Variants in EPSTI1 observed in about 807,000 individuals in gnomAD.
EPSTI1 encodes epithelial-stromal interaction protein 1.
EPSTI1 carries 66 observed loss-of-function variants against 49.9 expected under a neutral mutation model. The observed-to-expected ratio is 1.32, with a 90% CI of 1.08 to 1.62. EPSTI1 has a LOEUF of 1.62. Among genes scored for constraint, EPSTI1 ranks in the 40% most tolerant of loss-of-function variants. The pLI, the probability that EPSTI1 is intolerant of heterozygous loss-of-function variation, is 0.00. For synonymous variants in EPSTI1, 137 were observed against 130.7 expected (o/e 1.05, Z -0.33); for missense variants, 394 against 365.5 (o/e 1.08, Z -0.64).
chr13:42,903,644 G>A (rs2153412905), intron 8 of EPSTI1, among the ~76,000 whole-genome samples: 1 of 152,312 alleles, frequency 6.6e-6, no homozygotes, highest in East Asian at 1.9e-4. Flanking sequence ...TTACCATAAG[G>A]TTGTGCTAAA....
intron 1 of EPSTI1, among the ~76,000 whole-genome samples, chr13:42,989,565 TTC>T (rs1224039365): frequency 1.7e-5 from 2 of 115,972 alleles, no homozygotes; most frequent in African/African-American, 5.9e-5. Context: ...ATCCTCTTTT[TTC>T]TTTTTTTTTT....
chr13:42,964,313 C>T (rs1555267820), intron 3 of EPSTI1, among the ~76,000 whole-genome samples, 174 bp from the exon 4 acceptor site: 1 of 151,986 alleles, frequency 6.6e-6, no homozygotes, highest in Non-Finnish European at 1.5e-5. Context: ...AGGGGAATCA[C>T]TTAGAAGAAA....
intron 6 of EPSTI1, among the ~76,000 whole-genome samples, chr13:42,953,625 A>G (rs1044082002): frequency 3.3e-5 from 5 of 152,230 alleles, no homozygotes; most frequent in African/African-American, 1.2e-4. Flanking sequence ...TAGGCACTTC[A>G]GTGCAAACAC....
intron 6 of EPSTI1, chr13:42,934,781 A>G: frequency 5.1e-6 from 1 of 194,902 alleles, no homozygotes; most frequent in Non-Finnish European, 1.1e-5. Flanking sequence ...GGCCCCCATC[A>G]GGAAAGCTCC....
At chr13:42,965,493 A>C (rs2039578336) in intron 3 of EPSTI1, among the ~76,000 whole-genome samples, 1 of 152,162 alleles carries the variant, frequency 6.6e-6, no homozygotes, top group African/African-American at 2.4e-5. Context: ...GCAAGGAGGT[A>C]ACTGAAACCT....
At chr13:42,931,667 T>C (rs938493450) in intron 6 of EPSTI1, among the ~76,000 whole-genome samples, 1 of 152,072 alleles carries the variant, frequency 6.6e-6, no homozygotes, top group Non-Finnish European at 1.5e-5. Flanking sequence ...ACTAACAGAC[T>C]TTTTTCTTTA....
chr13:42,963,209 T>G lies in EPSTI1; in HGVS notation c.489+46A>C. 2.0e-6 allele frequency: 3 copies of G among 1,480,754 alleles called. No individual in the cohort carries two copies. The South Asian group carries it at 3.5e-5, about 17-fold the overall frequency. 91.7% of individuals were successfully genotyped at this position (1,480,754 alleles called of 1,614,324 possible). On this transcript the variant is annotated intron_variant, in intron 5 of 10. Transcript: ENST00000313624. Reference sequence around the variant, plus strand: ...TAATAAAAATCTTCTACAACGAAACTATAATTGTTGATCAGCAAATGTGAA... The same window carrying G: ...TAATAAAAATCTTCTACAACGAAACGATAATTGTTGATCAGCAAATGTGAA...
intron 6 of EPSTI1, among the ~76,000 whole-genome samples, chr13:42,933,494 CA>C: frequency 6.6e-6 from 1 of 152,092 alleles, no homozygotes; most frequent in Non-Finnish European, 1.5e-5. Context: ...ACTTCCAGAC[CA>C]TTACTTCCCC....
chr13:42,946,305 C>T (rs987565128), intron 6 of EPSTI1, among the ~76,000 whole-genome samples: 4 of 152,146 alleles, frequency 2.6e-5, no homozygotes, highest in African/African-American at 7.2e-5. Context: ...ATATTACAAT[C>T]GGCAGGCTGA....
intron 2 of EPSTI1, chr13:42,969,815 C>T (rs1333856338): frequency 6.6e-6 from 1 of 152,272 alleles, no homozygotes; most frequent in Non-Finnish European, 1.5e-5. Flanking sequence ...CCCCTTATCT[C>T]CTCATGAGAC....
intron 1 of EPSTI1, among the ~76,000 whole-genome samples, chr13:42,979,439 G>A (rs2039943330): frequency 2.6e-5 from 4 of 152,030 alleles, no homozygotes; most frequent in South Asian, 4.2e-4. Context: ...AAAATTAGCC[G>A]GGCGTGGTGG....
At chr13:42,968,919 A>AAAAACAC (rs1417855910) in intron 3 of EPSTI1, among the ~76,000 whole-genome samples, 175 bp downstream of exon 3, 1 of 54,416 alleles carries the variant, frequency 1.8e-5, no homozygotes, top group African/African-American at 6.5e-5. Flanking sequence ...AAAAAAAAAA[A>AAAAACAC]ATACACACAC....
chr13:42,974,484 C>T (rs964616351), intron 1 of EPSTI1, among the ~76,000 whole-genome samples: 5 of 148,172 alleles, frequency 3.4e-5, no homozygotes, highest in Non-Finnish European at 6.0e-5. Flanking sequence ...GGTGAAACCC[C>T]GTCTCTACTA....
At chr13:42,954,831 G>C (rs1177307792) in intron 5 of EPSTI1, among the ~76,000 whole-genome samples, 1 of 152,142 alleles carries the variant, frequency 6.6e-6, no homozygotes, top group Admixed American at 6.6e-5. Flanking sequence ...ATGAATCCAA[G>C]AGAGACAGTA....
chr13:42,942,990 G>A (rs1412633364), intron 6 of EPSTI1, among the ~76,000 whole-genome samples: 2 of 152,130 alleles, frequency 1.3e-5, no homozygotes, highest in Non-Finnish European at 2.9e-5. Context: ...GCCCAGCCCT[G>A]ATTCTTATTT....
chr13:42,915,933 TCTA>T (rs2037817450), intron 8 of EPSTI1, among the ~76,000 whole-genome samples: 1 of 152,136 alleles, frequency 6.6e-6, no homozygotes. Context: ...TGTCAAATGT[TCTA>T]CTTTTAACAG....
At chr13:42,948,331 C>T (rs1274589222) in intron 6 of EPSTI1, among the ~76,000 whole-genome samples, 2 of 152,130 alleles carry the variant, frequency 1.3e-5, no homozygotes, top group African/African-American at 4.8e-5. Context: ...GCTTGCTTGT[C>T]CTTGGACCCC....
intron 10 of EPSTI1, among the ~76,000 whole-genome samples, chr13:42,890,149 G>A (rs2036986714): frequency 6.6e-6 from 1 of 151,992 alleles, no homozygotes; most frequent in African/African-American, 2.4e-5. Context: ...GGAGTGAATT[G>A]GTTACTCTCA....
At chr13:42,986,163 G>T (rs2040074224) in intron 1 of EPSTI1, among the ~76,000 whole-genome samples, 1 of 152,208 alleles carries the variant, frequency 6.6e-6, no homozygotes, top group Non-Finnish European at 1.5e-5. Context: ...CAAAAGGGTG[G>T]CAGCTGGGGC....
Sources: allele counts gnomAD v4.1 joint callset (sites outside exome capture counted in the v4.1 genomes callset), GRCh38; gene constraint gnomAD v4.1.1; transcripts MANE v1.5; gene names NCBI Gene and HGNC (gene_info 2026-07-23, HGNC 2026-07-21).